Variants in ANAPC5 observed in about 807,000 individuals in gnomAD.
ANAPC5 encodes anaphase promoting complex subunit 5.
ANAPC5 carries 60 observed loss-of-function variants against 91.3 expected under a neutral mutation model. That is an observed-to-expected ratio of 0.66 (90% CI 0.53 to 0.81). ANAPC5 has a LOEUF of 0.81. Ranked by LOEUF, ANAPC5 falls within the 40% of genes least tolerant of loss-of-function variation. The probability of loss-of-function intolerance (pLI) is 0.00; values close to 1 mark genes in which losing one functional copy is unlikely to be tolerated. For missense variants in ANAPC5, 690 were observed against 931.5 expected, an observed-to-expected ratio of 0.74 and a Z score of 3.37; for synonymous variants, 340 against 364.1, an observed-to-expected ratio of 0.93 and a Z score of 0.75.
In ANAPC5 at chr12:121,351,463, C is replaced by CTT. The variant is rs1343364075; in HGVS notation, c.207+669_207+670dup. 9.5e-3 allele frequency among the ~76,000 whole-genome samples: 1,373 copies of CTT among 145,050 alleles called. 24 individuals carry two copies. The highest frequency in any genetic ancestry group is 0.033 in the African/African-American group (1,297 of 39,840). ...TCAGTGCTCGTCCTTGGCTTTATGC[C>CTT]TTTTTTTTTTTTGAAACGGAGTCTT... On this transcript the variant is annotated intron_variant, in intron 1 of 16. Transcript: ENST00000261819.
intron 1 of ANAPC5, 29 bp downstream of exon 1, chr12:121,352,105 A>T (rs781814418): frequency 3.2e-6 from 5 of 1,577,786 alleles, no homozygotes; most frequent in Middle Eastern, 2.0e-4. Flanking sequence ...AGTTTGCTGC[A>T]CGAGCAGGAG....
rs782244195 is a variant in ANAPC5 at position 121,328,491 on chromosome 12, C to T, written c.1129G>A (p.Ala377Thr). Residue 377 changes from alanine to threonine, a missense_variant, in exon 10 of 17, where the codon GCC becomes ACC. By Grantham distance (58) the Ala-to-Thr change is moderately conservative. Coordinates refer to ENST00000261819, the MANE Select transcript of ANAPC5 (RefSeq NM_016237.5). ...KAVHFGLPYL[A>T]SLGIQSLVQQ... ...ACAAGGGACTGTATTCCCAGGGAGGCGAGGTACTAAGGGGACAGATATACC... is the reference window on the plus strand; with the variant it reads ...ACAAGGGACTGTATTCCCAGGGAGGTGAGGTACTAAGGGGACAGATATACC... 1.9e-6 allele frequency: 3 copies of T among 1,613,398 alleles called. No homozygotes were observed.
In ANAPC5 at chr12:121,335,548, C is replaced by T. The variant is rs1903197964; in HGVS notation, c.935G>A (p.Cys312Tyr). 1.2e-6 allele frequency: 2 copies of T among 1,604,574 alleles called. No homozygotes were observed. The highest frequency in any genetic ancestry group is 8.5e-7 in the Non-Finnish European group (1 of 1,173,388). ...ATAAACTTACTAGTGACCGAAGCGGCAGTGCAGGGCGGCAAGATTCAGAGC... is the reference window on the plus strand; with the variant it reads ...ATAAACTTACTAGTGACCGAAGCGGTAGTGCAGGGCGGCAAGATTCAGAGC... ...YAALNLAALH[C>Y]RFGHYQQAEL... Residue 312 changes from cysteine (C) to tyrosine (Y), a missense_variant, in exon 7 of 17, where the codon TGC (cysteine) becomes TAC (tyrosine). Around this residue, in one of 5 missense-constraint regions of ANAPC5, gnomAD observed 83 missense variants for 150.8 expected, o/e 0.55. Coordinates refer to ENST00000261819, the MANE Select transcript of ANAPC5 (RefSeq NM_016237.5).
intron 15 of ANAPC5, among the ~76,000 whole-genome samples, chr12:121,313,785 C>A (rs1328047449): frequency 6.6e-6 from 1 of 152,164 alleles, no homozygotes; most frequent in Admixed American, 6.5e-5. Context: ...AGCCCAGGGC[C>A]AGACTGCTTC....
chr12:121,318,415 C>A lies in ANAPC5; in HGVS notation c.1755G>T (p.Leu585=), dbSNP rs1425242434. 11 of 1,609,852 alleles carry A rather than the reference C, an allele frequency of 6.8e-6. No individual in the cohort carries two copies. The highest frequency in any genetic ancestry group is 2.7e-5 in the African/African-American group (2 of 74,812). ...ATCGCCAGTACAGCTCTGCCACGGA[C>A]AGTAGGACACTGACCGTAAAGAGGA... is the stretch of plus-strand genomic sequence containing the variant. ...KNTEMVISVL[L]SVAELYWRSS... The change falls in exon 15 of 17, where the codon CTG becomes CTT. Residue 585 remains leucine, a synonymous_variant. Coordinates refer to ENST00000261819, the MANE Select transcript of ANAPC5 (RefSeq NM_016237.5).
chr12:121,346,584 G>A (rs1215627669), intron 3 of ANAPC5: 1 of 252,596 alleles, frequency 4.0e-6, no homozygotes, highest in Admixed American at 5.4e-5. Context: ...ATAAGTCTGG[G>A]CTGGTGACCC....
intron 5 of ANAPC5, 38 bp downstream of exon 5, chr12:121,341,965 A>G (rs1177530063): frequency 3.3e-6 from 5 of 1,500,568 alleles, no homozygotes; most frequent in African/African-American, 2.8e-5. Flanking sequence ...TCACAGGACT[A>G]GAACAGAAGT....
chr12:121,347,141 C>A (rs1045441638), intron 2 of ANAPC5, 136 bp from the exon 3 acceptor site: 1 of 537,584 alleles, frequency 1.9e-6, no homozygotes, highest in Non-Finnish European at 3.2e-6. Context: ...GCTCATAAAA[C>A]AAACTTCATA....
chr12:121,332,691 G>A (rs1483333849), intron 7 of ANAPC5: 1 of 151,894 alleles, frequency 6.6e-6, no homozygotes, highest in Non-Finnish European at 1.5e-5. Flanking sequence ...TTAGCTAAGT[G>A]ACAAAGATTT....
chr12:121,342,116 A>T lies in ANAPC5; in HGVS notation c.591-47T>A. ...AAATAGTAAAGAATTACACAAAAGT[A>T]AAAATGATAACATTTATAAAATCAG... On this transcript the variant is annotated intron_variant, in intron 4 of 16. Coordinates refer to ENST00000261819, the MANE Select transcript of ANAPC5 (RefSeq NM_016237.5). This position sits in a 1 kb window ranked among gnomAD's most constrained non-coding sequence, Gnocchi z 4.1. 7.4e-7 allele frequency: 1 copy of T among 1,344,840 alleles called. No individual in the cohort carries two copies. Among genetic ancestry groups the T allele is most frequent in the Non-Finnish European group, 1.0e-6 (1 of 966,812 alleles). The allele number at this position is 1,344,840 out of a possible 1,614,324, so 83.3% of individuals were successfully genotyped here.
Position 121,352,283 on chromosome 12 carries a change from G to T in ANAPC5, c.58C>A (p.His20Asn). ...FNPMMTNGVV[H>N]ANVFGIKDWV... ...TCCTTGATGCCGAACACATTGGCGT[G>T]CACAACCCCATTGGTCATCATGGGA... Residue 20 changes from histidine (H) to asparagine (N), a missense_variant, in exon 1 of 17, where the codon CAC (histidine) becomes AAC (asparagine). Transcript: ENST00000261819. 1 of 1,614,008 alleles carries T rather than the reference G, an allele frequency of 6.2e-7. No homozygotes were observed. The highest frequency in any genetic ancestry group is 8.5e-7 in the Non-Finnish European group (1 of 1,179,896).
chr12:121,337,342 C>T lies in ANAPC5; in HGVS notation c.708G>A (p.Leu236=). ...DETKALTPAS[L]QKELNNLLKF... ...TCAACAAATTGTTTAATTCCTTCTG[C>T]AAGGAAGCTGGAGTGAGGGCCTTAG... Residue 236 remains leucine, a synonymous_variant, in exon 6 of 17, where the codon TTG becomes TTA. Coordinates refer to ENST00000261819, the MANE Select transcript of ANAPC5 (RefSeq NM_016237.5). The T allele has an allele frequency of 6.2e-7, 1 of 1,613,932 alleles. No individual in the cohort carries two copies. The highest frequency in any genetic ancestry group is 8.5e-7 in the Non-Finnish European group (1 of 1,179,904).
rs1319697166 is a variant in ANAPC5 at position 121,345,752 on chromosome 12, C to T, written c.590+87G>A. On this transcript the variant is annotated intron_variant, in intron 4 of 16. Coordinates refer to ENST00000261819, the MANE Select transcript of ANAPC5 (RefSeq NM_016237.5). ...AGGGTAAAAAGGGCATAAGCCAGCA[C>T]GTGAATTCTAAATGAACAAGGACTT... The T allele has an allele frequency of 1.5e-5, 20 of 1,351,810 alleles. No homozygotes were observed. The Admixed American group carries it at 2.1e-4, about 14-fold the overall frequency. 83.7% of individuals were successfully genotyped at this position (1,351,810 alleles called of 1,614,324 possible).
intron 1 of ANAPC5, among the ~76,000 whole-genome samples, chr12:121,350,857 AC>A (rs1555275253): frequency 5.3e-5 from 8 of 152,066 alleles, no homozygotes; most frequent in African/African-American, 1.9e-4. Flanking sequence ...GAAGGCCATC[AC>A]TCACGTAACC....
Position 121,352,194 on chromosome 12 carries a change from C to T in ANAPC5, c.147G>A (p.Glu49=), listed in dbSNP as rs1167083338. ...VLLNEMSRTG[E]GAVSLMERRR... ...GCCGCTCCATGAGGCTGACGGCGCC[C>T]TCGCCTGTGCGGCTCATCTCGTTCA... Residue 49 remains glutamate (E), a synonymous_variant, in exon 1 of 17, where the codon GAG becomes GAA. Transcript: ENST00000261819. 27 of 1,613,696 alleles carry T rather than the reference C, an allele frequency of 1.7e-5. No homozygotes were observed. The highest frequency in any genetic ancestry group is 2.2e-5 in the Non-Finnish European group (26 of 1,179,792).
At chr12:121,310,704 C>T (rs552549189) in intron 15 of ANAPC5, among the ~76,000 whole-genome samples, 6 of 152,128 alleles carry the variant, frequency 3.9e-5, no homozygotes, top group African/African-American at 1.2e-4. Context: ...GAGGTGCAGG[C>T]GGGCAGATCA....
intron 15 of ANAPC5, among the ~76,000 whole-genome samples, chr12:121,311,684 T>G (rs1424515404): frequency 6.6e-6 from 1 of 151,920 alleles, no homozygotes; most frequent in Non-Finnish European, 1.5e-5. Context: ...ATATAAAAAA[T>G]TAGCTGGTTA....
At chr12:121,332,328 T>C (rs1555273004) in intron 7 of ANAPC5, 1 of 152,234 alleles carries the variant, frequency 6.6e-6, no homozygotes, top group Non-Finnish European at 1.5e-5. Flanking sequence ...TTTAAATCTC[T>C]GTTCAAATAT....
At chr12:121,313,619 G>A (rs937897145) in intron 15 of ANAPC5, among the ~76,000 whole-genome samples, 1 of 152,112 alleles carries the variant, frequency 6.6e-6, no homozygotes, top group African/African-American at 2.4e-5. Context: ...AGAATACCAT[G>A]AACAATTCTA....
Sources: gnomAD v4.1 joint callset for allele counts (sites outside exome capture counted in the v4.1 genomes callset) on GRCh38, gnomAD v4.1.1 for gene constraint, gnomAD v4.1.1 regional missense constraint, Gnocchi (gnomAD v3.1) non-coding constraint, MANE v1.5 for transcripts, NCBI Gene and HGNC (gene_info 2026-07-23, HGNC 2026-07-21) for gene names.